The following EMB variants were observed in gnomAD, a reference collection of about 807,000 sequenced individuals.
EMB encodes the protein embigin.
In EMB, 31 loss-of-function variants were observed where a neutral mutation model predicts 41.4. The ratio of observed to expected loss-of-function variants is 0.75; its 90% CI spans 0.56 to 1.01. The LOEUF is 1.01. Among genes scored for constraint, EMB ranks in the 50% least tolerant of loss-of-function variants. The probability of loss-of-function intolerance (pLI) is 0.00; values close to 1 mark genes in which losing one functional copy is unlikely to be tolerated. For synonymous variants in EMB, 137 were observed against 140.4 expected (o/e 0.98, Z 0.17); for missense variants, 379 against 388.3 (o/e 0.98, Z 0.20).
At chr5:50,403,569 G>T in intron 5 of EMB, 115 bp from the exon 6 acceptor site, 1 of 1,160,390 alleles carries the variant, frequency 8.6e-7, no homozygotes, top group Non-Finnish European at 1.2e-6. Flanking sequence ...CTAGAGAAAG[G>T]CATATTAAAG....
chr5:50,443,302 C>T (rs1342243794), upstream of EMB: 1 of 152,202 alleles, frequency 6.6e-6, no homozygotes, highest in African/African-American at 2.4e-5. Context: ...CTCACTGCAG[C>T]CTTGACCTTC....
At chr5:50,417,071 TACC>T (rs1443800279) in intron 2 of EMB, among the ~76,000 whole-genome samples, 1 of 152,178 alleles carries the variant, frequency 6.6e-6, no homozygotes, top group Non-Finnish European at 1.5e-5. Flanking sequence ...CTGATTTTTC[TACC>T]ACCAGCTCAC....
chr5:50,418,311 T>C (rs998892311), intron 2 of EMB, among the ~76,000 whole-genome samples: 4 of 152,260 alleles, frequency 2.6e-5, no homozygotes, highest in African/African-American at 9.6e-5. Context: ...CCACTGATCA[T>C]ATTTTTGGAC....
intron 1 of EMB, among the ~76,000 whole-genome samples, chr5:50,434,559 T>C (rs371839932): frequency 2.6e-4 from 40 of 152,208 alleles, no homozygotes; most frequent in African/African-American, 9.6e-4. Flanking sequence ...TGCTTTTGGC[T>C]AAGTTACAAA....
intron 2 of EMB, among the ~76,000 whole-genome samples, chr5:50,422,553 G>A (rs924597826): frequency 6.6e-6 from 1 of 152,100 alleles, no homozygotes; most frequent in African/African-American, 2.4e-5. Flanking sequence ...TTGAGACGCT[G>A]GCTAACAGTA....
intron 1 of EMB, 146 bp from the exon 2 acceptor site, chr5:50,428,373 G>C: frequency 8.3e-7 from 1 of 1,211,296 alleles, no homozygotes. Flanking sequence ...ATACTTCAAA[G>C]ACATTTAGAG....
intron 7 of EMB, among the ~76,000 whole-genome samples, chr5:50,400,664 C>T (rs1265166561): frequency 1.3e-5 from 2 of 151,852 alleles, no homozygotes; most frequent in Non-Finnish European, 2.9e-5. Flanking sequence ...TTTCAAGTGC[C>T]CTTGATATTT....
At chr5:50,413,875 A>G (rs1226749262) in intron 2 of EMB, among the ~76,000 whole-genome samples, 1 of 152,054 alleles carries the variant, frequency 6.6e-6, no homozygotes, top group Non-Finnish European at 1.5e-5. Flanking sequence ...GGTTTTTTCA[A>G]TAGACAAATT....
upstream of EMB, chr5:50,441,326 C>T: frequency 2.5e-6 from 1 of 392,384 alleles, no homozygotes; most frequent in East Asian, 3.7e-5. Context: ...GCCCCACTCC[C>T]CCGAGACGCT....
intron 2 of EMB, among the ~76,000 whole-genome samples, chr5:50,423,457 C>A (rs1745558903): frequency 6.6e-6 from 1 of 152,110 alleles, no homozygotes; most frequent in Admixed American, 6.5e-5. Context: ...GTATAATATT[C>A]ATTCTCATGT....
chr5:50,400,934 A>T (rs1745151408), intron 7 of EMB, among the ~76,000 whole-genome samples: 1 of 152,174 alleles, frequency 6.6e-6, no homozygotes, highest in Non-Finnish European at 1.5e-5. Flanking sequence ...AAGAATGGTT[A>T]GAGACAGTGG....
intron 1 of EMB, among the ~76,000 whole-genome samples, chr5:50,429,694 A>C (rs1745681335): frequency 6.6e-6 from 1 of 152,228 alleles, no homozygotes; most frequent in African/African-American, 2.4e-5. Context: ...TTTTTAAAAA[A>C]AGAAAAAAAG....
chr5:50,425,494 G>C (rs535585707), intron 2 of EMB, among the ~76,000 whole-genome samples: 2 of 146,474 alleles, frequency 1.4e-5, no homozygotes, highest in African/African-American at 2.5e-5. Context: ...AATATGCAGA[G>C]AGGAAAAAAA....
intron 5 of EMB, among the ~76,000 whole-genome samples, 162 bp from the exon 6 acceptor site, chr5:50,403,616 T>C (rs1745203041): frequency 6.6e-6 from 1 of 151,922 alleles, no homozygotes; most frequent in Non-Finnish European, 1.5e-5. Flanking sequence ...TTAAGTCTTA[T>C]CAGAGTTTGA....
chr5:50,403,332 G>T lies in EMB; in HGVS notation c.723C>A (p.Phe241Leu), dbSNP rs377652531. ...TGTGTTCTTCACTCTCGCCTAATTG[G>T]AATAGTGCACGGCACCAGTAAGATT... ...DGESYWCRAL[F>L]QLGESEEHIE... The change falls in exon 6 of 9, where the codon TTC becomes TTA. Residue 241 changes from phenylalanine (F) to leucine (L), a missense_variant. Phe to Leu is a conservative substitution (Grantham distance 22). Transcript: ENST00000303221. 129 of 1,612,626 alleles carry T rather than the reference G, an allele frequency of 8.0e-5. No homozygotes were observed. Among genetic ancestry groups the T allele is most frequent in the Non-Finnish European group, 1.0e-4 (122 of 1,179,228 alleles).
intron 2 of EMB, among the ~76,000 whole-genome samples, chr5:50,413,612 G>A (rs1209686797): frequency 6.8e-5 from 10 of 146,894 alleles, no homozygotes; most frequent in African/African-American, 1.3e-4. Flanking sequence ...ATGGAGCCTC[G>A]TTGCCCAGGC....
intron 1 of EMB, among the ~76,000 whole-genome samples, chr5:50,436,058 G>A (rs917713577): frequency 1.3e-5 from 2 of 152,002 alleles, no homozygotes; most frequent in Non-Finnish European, 2.9e-5. Context: ...AGTAAAGAAT[G>A]GTATTTAGAA....
At chr5:50,437,064 A>C (rs1182911594) in intron 1 of EMB, among the ~76,000 whole-genome samples, 1 of 152,158 alleles carries the variant, frequency 6.6e-6, no homozygotes, top group East Asian at 1.9e-4. Flanking sequence ...TGAGCCTAGG[A>C]GTTCAAGGCC....
At chr5:50,441,791 T>A (rs1409843648), upstream of EMB, among the ~76,000 whole-genome samples, 3 of 152,108 alleles carry the variant, frequency 2.0e-5, no homozygotes, top group Non-Finnish European at 2.9e-5. Flanking sequence ...GGTTTTAGAG[T>A]CCCAAGGCCC....
Sources: allele counts gnomAD v4.1 joint callset (sites outside exome capture counted in the v4.1 genomes callset), GRCh38; gene constraint gnomAD v4.1.1; transcripts MANE v1.5; gene names NCBI Gene and HGNC (gene_info 2026-07-23, HGNC 2026-07-21).